APP: variants seen among roughly 807,000 people sequenced by gnomAD.
APP encodes amyloid beta precursor protein.
Under a neutral mutation model 101.4 loss-of-function variants are expected in APP, and 31 were observed. That is an observed-to-expected ratio of 0.31 (90% CI 0.23 to 0.41). The LOEUF (loss-of-function observed/expected upper bound fraction) is 0.41, where lower values mean the gene tolerates loss of function less well. APP is among the 10% of genes least tolerant of loss of function. The pLI is 1.00. For synonymous variants in APP, 366 were observed against 364.4 expected, an observed-to-expected ratio of 1.00 and a Z score of -0.05; for missense variants, 839 against 1,003.7, an observed-to-expected ratio of 0.84 and a Z score of 2.22.
intron 5 of APP, among the ~76,000 whole-genome samples, chr21:26,048,030 A>C (rs2045681308): frequency 1.3e-5 from 2 of 152,152 alleles, no homozygotes; most frequent in South Asian, 4.1e-4. Flanking sequence ...AAAATGAAAA[A>C]GTAAGGCCAG....
chr21:26,109,229 G>A lies in APP; in HGVS notation c.225+2750C>T, dbSNP rs182225807. On this transcript the variant is annotated intron_variant, in intron 2 of 17. Coordinates refer to ENST00000346798, the MANE Select transcript of APP (RefSeq NM_000484.4). The stretch of plus-strand genomic sequence containing the variant: ...GTGCTCAACCCTTTGATACAGTTTG[G>A]CTCTGTGTCCCTACCCAAATCTCAT... Among the ~76,000 whole-genome samples, 14 of 152,318 alleles carry A rather than the reference G, an allele frequency of 9.2e-5. No homozygotes were observed. In the East Asian group the frequency reaches 2.7e-3, roughly 29 times the overall value.
rs114113499 is a variant in APP at position 26,044,981 on chromosome 21, A to T, written c.662+6019T>A. 4.6e-3 allele frequency among the ~76,000 whole-genome samples: 706 copies of T among 152,362 alleles called. 11 individuals carry two copies. Among genetic ancestry groups the T allele is most frequent in the African/African-American group, 0.016 (675 of 41,582 alleles). Reference sequence around the variant, plus strand: ...AAATGATGTGACAGTATTCCTTGCCATTTTATGATGCTTATGCAACACATT... The same window carrying T: ...AAATGATGTGACAGTATTCCTTGCCTTTTTATGATGCTTATGCAACACATT... On this transcript the variant is annotated intron_variant, in intron 5 of 17. Coordinates refer to ENST00000346798, the MANE Select transcript of APP (RefSeq NM_000484.4).
chr21:26,032,694 T>C (rs529740580), intron 5 of APP, among the ~76,000 whole-genome samples: 1 of 152,294 alleles, frequency 6.6e-6, no homozygotes, highest in South Asian at 2.1e-4. Context: ...TGTATACTTA[T>C]GACATTTCTT....
intron 3 of APP, among the ~76,000 whole-genome samples, chr21:26,067,974 A>G (rs911887497): frequency 6.6e-6 from 1 of 152,174 alleles, no homozygotes; most frequent in African/African-American, 2.4e-5. Flanking sequence ...CAATTAATTA[A>G]GGTTATATAC....
intron 3 of APP, among the ~76,000 whole-genome samples, chr21:26,058,143 C>T (rs1043307775): frequency 1.3e-5 from 2 of 152,296 alleles, no homozygotes; most frequent in Non-Finnish European, 2.9e-5. Flanking sequence ...TTGGTTTTAT[C>T]CTCGTGTTTT....
intron 17 of APP, among the ~76,000 whole-genome samples, chr21:25,883,261 G>C (rs756441964): frequency 2.6e-5 from 4 of 151,942 alleles, no homozygotes; most frequent in Non-Finnish European, 5.9e-5. Flanking sequence ...AAATTAGCCA[G>C]GCGTGGTGGT....
At chr21:25,901,304 A>C (rs1306883497) in intron 15 of APP, among the ~76,000 whole-genome samples, 11 of 68,616 alleles carry the variant, frequency 1.6e-4, no homozygotes, top group South Asian at 1.7e-3. Flanking sequence ...TTTAAAAAAA[A>C]AAAAAAAAAA....
At chr21:25,949,847 T>G (rs2146467657) in intron 13 of APP, among the ~76,000 whole-genome samples, 2 of 152,250 alleles carry the variant, frequency 1.3e-5, no homozygotes, top group Middle Eastern at 3.4e-3. Flanking sequence ...GAACACAGAT[T>G]TTGGACTTCT....
intron 2 of APP, among the ~76,000 whole-genome samples, chr21:26,111,087 TA>T (rs576900084): frequency 3.8e-3 from 336 of 88,460 alleles, no homozygotes; most frequent in Middle Eastern, 0.022. Flanking sequence ...AAAGTTAAGT[TA>T]AAAAAAAAAA....
At chr21:26,158,500 C>T (rs565024879) in intron 1 of APP, among the ~76,000 whole-genome samples, 20 of 152,236 alleles carry the variant, frequency 1.3e-4, no homozygotes, top group Admixed American at 5.9e-4. Context: ...TACATGCTCC[C>T]TTGCATCGAG....
intron 1 of APP, among the ~76,000 whole-genome samples, chr21:26,151,810 G>T (rs1170093228): frequency 1.3e-5 from 2 of 152,184 alleles, no homozygotes; most frequent in African/African-American, 4.8e-5. Flanking sequence ...GTGCAGCAAA[G>T]CTCCTAACAC....
At chr21:26,150,828 T>C (rs2063253614) in intron 1 of APP, among the ~76,000 whole-genome samples, 1 of 152,244 alleles carries the variant, frequency 6.6e-6, no homozygotes, top group Admixed American at 6.5e-5. Context: ...TTCTGTGATG[T>C]TGATAGTGTA....
intron 7 of APP, among the ~76,000 whole-genome samples, chr21:25,999,692 G>A (rs954587864): frequency 2.0e-5 from 3 of 152,164 alleles, no homozygotes; most frequent in South Asian, 2.1e-4. Context: ...TTGCAGAAAC[G>A]GCTGGCTGCA....
intron 3 of APP, among the ~76,000 whole-genome samples, chr21:26,066,260 C>T (rs1014101259): frequency 1.3e-5 from 2 of 152,104 alleles, no homozygotes; most frequent in African/African-American, 2.4e-5. Flanking sequence ...TAAGATAACC[C>T]ATTACAACTA....
Position 25,974,997 on chromosome 21 carries a change from C to A in APP, c.1458+73G>T, listed in dbSNP as rs2042170565. 1.6e-5 allele frequency: 26 copies of A among 1,594,064 alleles called. 1 individual carries two copies. The South Asian group carries it at 2.8e-4, about 17-fold the overall frequency. ...TCTCCTCATTCTTTTTGTATGGCTT[C>A]CAGTTCCCAGTGCCCCACCCTTACT... On this transcript the variant is annotated intron_variant, in intron 11 of 17. Coordinates refer to ENST00000346798, the MANE Select transcript of APP (RefSeq NM_000484.4).
At chr21:26,021,784 G>A in intron 6 of APP, 56 bp downstream of exon 6, 1 of 1,599,606 alleles carries the variant, frequency 6.3e-7, no homozygotes, top group Non-Finnish European at 8.5e-7. Flanking sequence ...TCCAACTCTG[G>A]TATTACGCTT....
intron 3 of APP, among the ~76,000 whole-genome samples, chr21:26,081,013 G>GAC (rs2061588400): frequency 6.6e-6 from 1 of 152,102 alleles, no homozygotes; most frequent in East Asian, 1.9e-4. Context: ...TCAAACTCAT[G>GAC]ACTACAGGGT....
chr21:26,000,441 G>C (rs1174119021), intron 6 of APP, among the ~76,000 whole-genome samples: 1 of 152,182 alleles, frequency 6.6e-6, no homozygotes, highest in African/African-American at 2.4e-5. Flanking sequence ...AAGGTGAAAA[G>C]ATCATTTGGC....
intron 3 of APP, among the ~76,000 whole-genome samples, chr21:26,057,218 T>C (rs944077049): frequency 6.6e-6 from 1 of 152,244 alleles, no homozygotes; most frequent in Non-Finnish European, 1.5e-5. Flanking sequence ...TAAATGCTTC[T>C]GCTTATTTGC....
Sources: gnomAD v4.1 joint callset for allele counts (sites outside exome capture counted in the v4.1 genomes callset) on GRCh38, gnomAD v4.1.1 for gene constraint, MANE v1.5 for transcripts, NCBI Gene and HGNC (gene_info 2026-07-23, HGNC 2026-07-21) for gene names.